Variants in HCN1 observed in about 807,000 individuals in gnomAD.
HCN1 encodes the protein potassium/sodium hyperpolarization-activated cyclic nucleotide-gated channel 1.
In HCN1, 13 loss-of-function variants were observed where a neutral mutation model predicts 78.9. That is an observed-to-expected ratio of 0.16 (90% confidence interval 0.11 to 0.26). HCN1 has a LOEUF of 0.26. Ranked by LOEUF, HCN1 falls within the 10% of genes least tolerant of loss-of-function variation. The pLI is 1.00. For synonymous variants in HCN1, 552 were observed against 455.5 expected (o/e 1.21, Z -2.70); for missense variants, 810 against 1,154.3 (o/e 0.70, Z 4.32).
chr5:45,498,745 G>T (rs1742113997), intron 2 of HCN1, among the ~76,000 whole-genome samples: 2 of 152,248 alleles, frequency 1.3e-5, no homozygotes, highest in South Asian at 4.1e-4. Flanking sequence ...TGATGGTGAT[G>T]TACAGATGGG....
At chr5:45,634,190 ATGAACAT>A (rs1253706734) in intron 2 of HCN1, among the ~76,000 whole-genome samples, 1 of 151,956 alleles carries the variant, frequency 6.6e-6, no homozygotes, top group Non-Finnish European at 1.5e-5. Flanking sequence ...GCTCATACAA[ATGAACAT>A]TCTCTCCCTC....
At chr5:45,610,437 C>G (rs1744809916) in intron 2 of HCN1, among the ~76,000 whole-genome samples, 2 of 151,252 alleles carry the variant, frequency 1.3e-5, no homozygotes, top group South Asian at 4.2e-4. Context: ...GAAAGTATTT[C>G]AGTTTTATAT....
chr5:45,366,832 C>CTGAT (rs909941720), intron 4 of HCN1, among the ~76,000 whole-genome samples: 72 of 151,748 alleles, frequency 4.7e-4, no homozygotes, highest in Non-Finnish European at 9.7e-4. Flanking sequence ...AATTAAAAAC[C>CTGAT]TGATTTTCTT....
chr5:45,315,407 T>A (rs1264411769), intron 5 of HCN1, among the ~76,000 whole-genome samples: 1 of 152,102 alleles, frequency 6.6e-6, no homozygotes, highest in African/African-American at 2.4e-5. Context: ...TGGGACACAT[T>A]TAAAGCAGTG....
intron 2 of HCN1, chr5:45,576,645 A>G (rs1297490738): frequency 3.9e-5 from 6 of 152,092 alleles, no homozygotes; most frequent in African/African-American, 1.2e-4. Flanking sequence ...GCAATAAAGC[A>G]TTTTTTAATT....
At chr5:45,521,951 T>G (rs1462297385) in intron 2 of HCN1, among the ~76,000 whole-genome samples, 1 of 152,002 alleles carries the variant, frequency 6.6e-6, no homozygotes, top group Non-Finnish European at 1.5e-5. Context: ...TTTAAGAATA[T>G]TCTAGAGTCT....
intron 2 of HCN1, chr5:45,642,911 A>G (rs1156565444): frequency 1.3e-5 from 2 of 152,120 alleles, no homozygotes; most frequent in Non-Finnish European, 2.9e-5. Flanking sequence ...CCCATGATAT[A>G]TGATATTATA....
At chr5:45,412,927 G>A (rs1740051217) in intron 3 of HCN1, among the ~76,000 whole-genome samples, 2 of 152,092 alleles carry the variant, frequency 1.3e-5, no homozygotes, top group Admixed American at 6.6e-5. Context: ...TGTATATCAA[G>A]CACATAAGAT....
chr5:45,437,252 C>T (rs1051385771), intron 3 of HCN1, among the ~76,000 whole-genome samples: 8 of 152,068 alleles, frequency 5.3e-5, no homozygotes, highest in African/African-American at 1.9e-4. Flanking sequence ...AGAATCAGTT[C>T]CATTGTATCA....
In HCN1 at chr5:45,257,868, T is replaced by G. The variant is rs1318196019; in HGVS notation, c.*4053A>C. 1 of 152,090 alleles carries G rather than the reference T, an allele frequency of 6.6e-6. No homozygotes were observed. Among genetic ancestry groups the G allele is most frequent in the Non-Finnish European group, 1.5e-5 (1 of 68,028 alleles). The allele number at this position is 152,090 out of a possible 1,614,324, so 9.4% of individuals were successfully genotyped here. A position where few individuals can be genotyped will look rare whatever the true frequency, so the allele number is the denominator to read the frequency against. ...GGTGCATGCAGCAACCACAGTTCCT[T>G]AAATTTTTGGCCATTGTTTTCAGGA... is the stretch of plus-strand genomic sequence containing the variant. On this transcript the variant is annotated 3_prime_UTR_variant, in exon 8 of 8. Coordinates refer to ENST00000303230, the MANE Select transcript of HCN1 (RefSeq NM_021072.4).
Position 45,297,702 on chromosome 5 carries a change from C to A in HCN1, c.1618+5897G>T, listed in dbSNP as rs190075201. ...ATAATATATCTCATAAAGATAGAGA[C>A]AAAATCATGACCAAAATATTAGCAA... On this transcript the variant is annotated intron_variant, in intron 6 of 7. Transcript: ENST00000303230. Among the ~76,000 whole-genome samples, 316 of 152,096 alleles carry A rather than the reference C, an allele frequency of 2.1e-3. 2 individuals are homozygous for A. The highest frequency in any genetic ancestry group is 7.3e-3 in the African/African-American group (303 of 41,520).
At chr5:45,317,246 CCT>C (rs1354050060) in intron 5 of HCN1, among the ~76,000 whole-genome samples, 1 of 152,038 alleles carries the variant, frequency 6.6e-6, no homozygotes, top group East Asian at 1.9e-4. Context: ...AGAACAGAGC[CCT>C]CAGAAATAAT....
At chr5:45,376,294 T>TTCTATA (rs1747670891) in intron 4 of HCN1, among the ~76,000 whole-genome samples, 1 of 11,762 alleles carries the variant, frequency 8.5e-5, no homozygotes, top group African/African-American at 4.3e-4. Flanking sequence ...TAGATATATA[T>TTCTATA]TGTATTATAT....
intron 5 of HCN1, among the ~76,000 whole-genome samples, chr5:45,327,676 G>A (rs1367806792): frequency 1.3e-5 from 2 of 151,504 alleles, no homozygotes; most frequent in Non-Finnish European, 3.0e-5. Flanking sequence ...TTAGATAGAG[G>A]GTATTTGAAG....
intron 1 of HCN1, among the ~76,000 whole-genome samples, chr5:45,660,542 C>T (rs1370245744): frequency 2.6e-5 from 4 of 151,756 alleles, no homozygotes; most frequent in Non-Finnish European, 4.4e-5. Context: ...CATCAGTGTG[C>T]TGTATTCAGG....
At chr5:45,520,241 C>T (rs189700067) in intron 2 of HCN1, among the ~76,000 whole-genome samples, 3 of 152,052 alleles carry the variant, frequency 2.0e-5, no homozygotes, top group Admixed American at 1.3e-4. Flanking sequence ...GAATGTGGCA[C>T]AAAAAGTCTT....
chr5:45,381,091 A>T (rs1747799580), intron 4 of HCN1, among the ~76,000 whole-genome samples: 1 of 152,138 alleles, frequency 6.6e-6, no homozygotes, highest in South Asian at 2.1e-4. Flanking sequence ...CTTAAAGTTA[A>T]TTTATGTAAG....
intron 3 of HCN1, among the ~76,000 whole-genome samples, chr5:45,404,140 C>T (rs1245669672): frequency 2.6e-5 from 4 of 152,138 alleles, no homozygotes; most frequent in African/African-American, 9.6e-5. Context: ...TTGTGAAAAT[C>T]TAGGAATGTT....
At position 45,463,250 on chromosome 5, in the gene HCN1, G is replaced by A. The variant is rs189292862; in HGVS notation, c.850-1243C>T. Reference sequence around the variant, plus strand: ...AATACACACACTGAAGTACTCAGAGGTAAAATGACAGGGCATCTGTGATTT... The same window carrying A: ...AATACACACACTGAAGTACTCAGAGATAAAATGACAGGGCATCTGTGATTT... On this transcript the variant is annotated intron_variant, in intron 2 of 7. Coordinates refer to ENST00000303230, the MANE Select transcript of HCN1 (RefSeq NM_021072.4). Among the ~76,000 whole-genome samples, 224 of 152,014 alleles carry A rather than the reference G, an allele frequency of 1.5e-3. 1 individual carries two copies. Among genetic ancestry groups the A allele is most frequent in the Admixed American group, 3.1e-3 (48 of 15,248 alleles).
Sources: gnomAD v4.1 joint callset for allele counts (sites outside exome capture counted in the v4.1 genomes callset) on GRCh38, gnomAD v4.1.1 for gene constraint, MANE v1.5 for transcripts, NCBI Gene and HGNC (gene_info 2026-07-23, HGNC 2026-07-21) for gene names.